MSRB3: variants seen among roughly 807,000 people sequenced by gnomAD.
MSRB3 encodes the protein methionine-R-sulfoxide reductase B3.
Under a neutral mutation model 21.0 loss-of-function variants are expected in MSRB3, and 13 were observed. That is an observed-to-expected ratio of 0.62 (90% CI 0.40 to 0.98). MSRB3 has a LOEUF of 0.98. Among genes scored for constraint, MSRB3 ranks in the 50% least tolerant of loss-of-function variants. The pLI, the probability that MSRB3 is intolerant of heterozygous loss-of-function variation, is 0.00. For synonymous variants in MSRB3, 87 were observed against 88.6 expected, an observed-to-expected ratio of 0.98 and a Z score of 0.10; for missense variants, 199 against 230.3, an observed-to-expected ratio of 0.86 and a Z score of 0.88.
rs756954479 is a variant in MSRB3, at chr12:65,463,296, G to A, written c.532G>A (p.Ala178Thr). The A allele has an allele frequency of 1.2e-6, 2 of 1,614,158 alleles. No homozygotes were observed. Among genetic ancestry groups the A allele is most frequent in the East Asian group, 4.5e-5 (2 of 44,872 alleles). Residue 178 changes from alanine to threonine, a missense_variant, in exon 7 of 7, where the codon GCC (alanine) becomes ACC (threonine). Physicochemically the swap from Ala to Thr is moderately conservative, Grantham distance 58. Coordinates refer to ENST00000308259, the MANE Select transcript of MSRB3 (RefSeq NM_001031679.3). The part of the protein sequence containing the change: ...AEGGSGVASP[A>T]QADKAEL ...GGGAGGCAGTGGGGTCGCCAGCCCG[G>A]CCCAGGCAGACAAAGCGGAGCTCTA...
intron 5 of MSRB3, among the ~76,000 whole-genome samples, chr12:65,397,708 A>G (rs981098528): frequency 6.6e-6 from 1 of 152,144 alleles, no homozygotes; most frequent in Non-Finnish European, 1.5e-5. Context: ...TGCTGCACCC[A>G]TCAACCCATT....
intron 4 of MSRB3, among the ~76,000 whole-genome samples, chr12:65,347,049 G>C (rs1000113781): frequency 3.9e-5 from 6 of 152,180 alleles, no homozygotes; most frequent in Non-Finnish European, 7.3e-5. Flanking sequence ...TTTGGCTTAG[G>C]ATTGCCTTGG....
In MSRB3 at chr12:65,278,769, A is replaced by T; in HGVS notation, c.-148A>T. 6.3e-7 allele frequency: 1 copy of T among 1,578,370 alleles called. No individual in the cohort carries two copies. The highest frequency in any genetic ancestry group is 8.6e-7 in the Non-Finnish European group (1 of 1,163,584). ...CCGGCGGCGGCTGCCTGGCCTTTCCATGAGCCCGCGGCGGACCCTCCCGCG... is the reference window on the plus strand; with the variant it reads ...CCGGCGGCGGCTGCCTGGCCTTTCCTTGAGCCCGCGGCGGACCCTCCCGCG... On this transcript the variant is annotated 5_prime_UTR_variant, in exon 1 of 7. The change abolishes an upstream ATG in the 5' untranslated region. Transcript: ENST00000308259.
intron 4 of MSRB3, among the ~76,000 whole-genome samples, chr12:65,356,129 A>G (rs763930450): frequency 1.3e-5 from 2 of 151,986 alleles, no homozygotes; most frequent in Non-Finnish European, 1.5e-5. Context: ...GGCTTACTAT[A>G]GTGTAATTTT....
intron 6 of MSRB3, among the ~76,000 whole-genome samples, chr12:65,457,681 A>T (rs1207365237): frequency 6.6e-6 from 1 of 152,058 alleles, no homozygotes; most frequent in Non-Finnish European, 1.5e-5. Flanking sequence ...ATGAGAGAAA[A>T]TTTTTGCAAT....
At chr12:65,305,132 A>G (rs777058614) in intron 1 of MSRB3, 1 of 151,422 alleles carries the variant, frequency 6.6e-6, no homozygotes, top group Non-Finnish European at 1.5e-5. Context: ...GCAGTACGCA[A>G]TCTCAGGTCA....
chr12:65,435,993 G>T (rs1467962523), intron 5 of MSRB3, among the ~76,000 whole-genome samples: 1 of 151,800 alleles, frequency 6.6e-6, no homozygotes, highest in East Asian at 1.9e-4. Flanking sequence ...AGTGAAAAAT[G>T]ATTATATTCT....
intron 5 of MSRB3, among the ~76,000 whole-genome samples, chr12:65,379,487 T>A (rs996675780): frequency 6.6e-6 from 1 of 152,174 alleles, no homozygotes; most frequent in African/African-American, 2.4e-5. Flanking sequence ...ATATAGAACA[T>A]TTCCACCTAT....
chr12:65,278,851 G>A lies in MSRB3; in HGVS notation c.-66G>A, dbSNP rs1377134581. On this transcript the variant is annotated 5_prime_UTR_variant, in exon 1 of 7. Transcript: ENST00000308259. ...TGCCTCTGCCTGGCCGCGGCTCTGG[G>A]AAGTGCGCAGTCCGGTAAGTTCGGG... is the stretch of plus-strand genomic sequence containing the variant. The A allele has an allele frequency of 1.9e-6, 3 of 1,561,174 alleles. No individual in the cohort carries two copies. Among genetic ancestry groups the A allele is most frequent in the African/African-American group, 1.4e-5 (1 of 73,516 alleles).
At chr12:65,305,072 CTTT>C (rs772625838) in intron 1 of MSRB3, 8 of 141,276 alleles carry the variant, frequency 5.7e-5, no homozygotes, top group Admixed American at 7.1e-5. Context: ...TGTTATTTTT[CTTT>C]TTTTTTTTTT....
chr12:65,305,736 C>G (rs1312646306), intron 1 of MSRB3, among the ~76,000 whole-genome samples: 1 of 151,884 alleles, frequency 6.6e-6, no homozygotes, highest in Non-Finnish European at 1.5e-5. Context: ...TGTGCACAGT[C>G]AACTGTTATC....
At chr12:65,292,963 G>A (rs1178027681) in intron 1 of MSRB3, among the ~76,000 whole-genome samples, 2 of 152,074 alleles carry the variant, frequency 1.3e-5, no homozygotes, top group East Asian at 1.9e-4. Context: ...GTCTAAGAAC[G>A]TGTACTAAAT....
chr12:65,464,937 C>G lies in MSRB3; in HGVS notation c.*1615C>G, dbSNP rs974787422. On this transcript the variant is annotated 3_prime_UTR_variant, in exon 7 of 7. Coordinates refer to ENST00000308259, the MANE Select transcript of MSRB3 (RefSeq NM_001031679.3). ...ATTTCTTCATGCATAAACTGGGACTCATAATATTTGTAAAATGTATTGATA... is the reference window on the plus strand; with the variant it reads ...ATTTCTTCATGCATAAACTGGGACTGATAATATTTGTAAAATGTATTGATA... The G allele has an allele frequency of 6.6e-6, 1 of 152,236 alleles. No individual in the cohort carries two copies. Among genetic ancestry groups the G allele is most frequent in the Non-Finnish European group, 1.5e-5 (1 of 68,048 alleles). 9.4% of individuals were successfully genotyped at this position (152,236 alleles called of 1,614,324 possible).
chr12:65,451,356 T>G (rs1391510865), intron 5 of MSRB3, among the ~76,000 whole-genome samples: 1 of 152,168 alleles, frequency 6.6e-6, no homozygotes, highest in Non-Finnish European at 1.5e-5. Flanking sequence ...CCAGAAACAC[T>G]GAAATCTTTT....
At chr12:65,460,484 G>A (rs1883276845) in intron 6 of MSRB3, among the ~76,000 whole-genome samples, 1 of 152,218 alleles carries the variant, frequency 6.6e-6, no homozygotes, top group African/African-American at 2.4e-5. Flanking sequence ...CCGGCAGTGG[G>A]GCGGGGATGT....
At chr12:65,400,237 T>C (rs1305443748) in intron 5 of MSRB3, among the ~76,000 whole-genome samples, 1 of 138,724 alleles carries the variant, frequency 7.2e-6, no homozygotes, top group African/African-American at 2.6e-5. Flanking sequence ...GGTCCTGGGC[T>C]TTTTTTTTTT....
intron 6 of MSRB3, among the ~76,000 whole-genome samples, chr12:65,457,322 CA>C (rs755254879): frequency 5.3e-5 from 8 of 152,082 alleles, no homozygotes; most frequent in Non-Finnish European, 1.0e-4. Context: ...CTGCACCCAT[CA>C]ACCCATCATC....
At chr12:65,347,182 G>A (rs1876575604) in intron 4 of MSRB3, among the ~76,000 whole-genome samples, 1 of 152,088 alleles carries the variant, frequency 6.6e-6, no homozygotes, top group African/African-American at 2.4e-5. Flanking sequence ...GGGCAGTATG[G>A]GCATTTTCAC....
chr12:65,420,721 G>A (rs373873614), intron 5 of MSRB3, among the ~76,000 whole-genome samples: 223 of 152,142 alleles, frequency 1.5e-3, no homozygotes, highest in African/African-American at 4.8e-3. Context: ...AAGTGAGAAC[G>A]TGCAGTATTT....
Sources: allele counts gnomAD v4.1 joint callset (sites outside exome capture counted in the v4.1 genomes callset), GRCh38; gene constraint gnomAD v4.1.1; transcripts MANE v1.5; gene names NCBI Gene and HGNC (gene_info 2026-07-23, HGNC 2026-07-21).